CNOT6L: variants seen among roughly 807,000 people sequenced by gnomAD.
CNOT6L encodes CCR4-NOT transcription complex subunit 6-like.
In CNOT6L, 7 loss-of-function variants were observed where a neutral mutation model predicts 64.0. That is an observed-to-expected ratio of 0.11 (90% CI 0.06 to 0.21). The LOEUF (loss-of-function observed/expected upper bound fraction) is 0.21. Among genes scored for constraint, CNOT6L ranks in the 10% least tolerant of loss-of-function variants. CNOT6L has a pLI of 1.00. For synonymous variants in CNOT6L, 193 were observed against 243.4 expected (o/e 0.79, Z 1.93); for missense variants, 245 against 669.0 (o/e 0.37, Z 6.99).
At chr4:77,767,002 G>GCT (rs1421367168) in intron 4 of CNOT6L, among the ~76,000 whole-genome samples, 2 of 140,362 alleles carry the variant, frequency 1.4e-5, no homozygotes, top group Non-Finnish European at 3.0e-5. Context: ...GGCAGTGGTT[G>GCT]CAGTGAGCCA....
chr4:77,729,741 C>T (rs1447630706), intron 9 of CNOT6L, among the ~76,000 whole-genome samples: 2 of 151,692 alleles, frequency 1.3e-5, no homozygotes, highest in Non-Finnish European at 2.9e-5. Context: ...ACTAGAATAT[C>T]TCTAAGGTTT....
At chr4:77,724,622 A>G (rs1453215062) in intron 11 of CNOT6L, among the ~76,000 whole-genome samples, 1 of 151,026 alleles carries the variant, frequency 6.6e-6, no homozygotes, top group Non-Finnish European at 1.5e-5. Flanking sequence ...CCTGGGTGAC[A>G]AACTGAGACC....
rs1203786504 is a variant in CNOT6L, at chr4:77,717,619, T to A, written c.*2812A>T. The A allele has an allele frequency of 6.6e-6, 1 of 152,458 alleles. No individual in the cohort carries two copies. The highest frequency in any genetic ancestry group is 1.9e-4 in the East Asian group (1 of 5,180). The allele number at this position is 152,458 out of a possible 1,614,324, so 9.4% of individuals were successfully genotyped here. A position where few individuals can be genotyped will look rare whatever the true frequency, so the allele number is the denominator to read the frequency against. ...TATATATATATATATGTCATTCACCTCTTCCTTTTGGCTTCTCACTGCCAA... is the reference window on the plus strand; with the variant it reads ...TATATATATATATATGTCATTCACCACTTCCTTTTGGCTTCTCACTGCCAA... On this transcript the variant is annotated 3_prime_UTR_variant, in exon 12 of 12. Coordinates refer to ENST00000504123, the MANE Select transcript of CNOT6L (RefSeq NM_144571.3).
At chr4:77,752,008 C>T (rs1033117141) in intron 5 of CNOT6L, among the ~76,000 whole-genome samples, 1 of 151,966 alleles carries the variant, frequency 6.6e-6, no homozygotes, top group Non-Finnish European at 1.5e-5. Context: ...CCCATCTCTA[C>T]AAAAATATTA....
intron 1 of CNOT6L, among the ~76,000 whole-genome samples, chr4:77,802,053 T>C (rs551856223): frequency 6.6e-6 from 1 of 152,374 alleles, no homozygotes; most frequent in South Asian, 2.1e-4. Flanking sequence ...ATAATTTTAA[T>C]TTAGTGAAGA....
intron 1 of CNOT6L, among the ~76,000 whole-genome samples, chr4:77,794,734 T>C (rs1730605251): frequency 6.6e-6 from 1 of 152,176 alleles, no homozygotes; most frequent in Admixed American, 6.5e-5. Flanking sequence ...TAGCTCTCAC[T>C]TCTATTGAAG....
At chr4:77,817,124 T>C in intron 1 of CNOT6L, among the ~76,000 whole-genome samples, 1 of 152,114 alleles carries the variant, frequency 6.6e-6, no homozygotes, top group Non-Finnish European at 1.5e-5. Context: ...TATTGAAACA[T>C]ACATGTGCTA....
Position 77,742,127 on chromosome 4 carries a change from T to C in CNOT6L, c.872+14A>G, listed in dbSNP as rs754214665. 9 of 1,608,734 alleles carry C rather than the reference T, an allele frequency of 5.6e-6. No individual in the cohort carries two copies. In the East Asian group the frequency reaches 1.1e-4, roughly 20 times the overall value. ...AATAAAAGTACACCATTGTGCTTTGTTTCCTTAACTTACTTTTCTGTTTTG... is the reference window on the plus strand; with the variant it reads ...AATAAAAGTACACCATTGTGCTTTGCTTCCTTAACTTACTTTTCTGTTTTG... On this transcript the variant is annotated intron_variant, in intron 8 of 11. Coordinates refer to ENST00000504123, the MANE Select transcript of CNOT6L (RefSeq NM_144571.3).
At chr4:77,729,192 A>G in intron 9 of CNOT6L, 111 bp from the exon 10 acceptor site, 1 of 744,180 alleles carries the variant, frequency 1.3e-6, no homozygotes, top group Non-Finnish European at 2.3e-6. Context: ...ACTCTTTTCC[A>G]TGAATTTATA....
intron 8 of CNOT6L, among the ~76,000 whole-genome samples, chr4:77,732,912 A>G (rs1051406605): frequency 1.3e-5 from 2 of 152,056 alleles, no homozygotes; most frequent in African/African-American, 4.8e-5. Flanking sequence ...TAGCTGCTCA[A>G]TTAAAGAACT....
In CNOT6L at chr4:77,798,789, G is replaced by C. The variant is rs72866633; in HGVS notation, c.5+20515C>G. On this transcript the variant is annotated intron_variant, in intron 1 of 11. Transcript: ENST00000504123. ...TGCTTGAGCCAGGAGTTCAACATGAGCCTGGGCAACATAGTTAGACCCCAT... is the reference window on the plus strand; with the variant it reads ...TGCTTGAGCCAGGAGTTCAACATGACCCTGGGCAACATAGTTAGACCCCAT... 4.1e-3 allele frequency among the ~76,000 whole-genome samples: 609 copies of C among 148,784 alleles called. 7 individuals carry two copies. The highest frequency in any genetic ancestry group is 0.014 in the African/African-American group (579 of 40,460).
intron 4 of CNOT6L, among the ~76,000 whole-genome samples, chr4:77,758,500 C>A (rs1322719954): frequency 2.0e-5 from 3 of 152,112 alleles, no homozygotes; most frequent in Admixed American, 6.5e-5. Flanking sequence ...AAGTTCTGAT[C>A]CAACATGTAA....
intron 1 of CNOT6L, among the ~76,000 whole-genome samples, chr4:77,801,653 C>A (rs1731572944): frequency 1.7e-5 from 2 of 120,174 alleles, no homozygotes; most frequent in Non-Finnish European, 1.6e-5. Context: ...AATTTTAAAA[C>A]CTTTATTTTG....
chr4:77,779,030 G>C (rs1386671770), intron 1 of CNOT6L, among the ~76,000 whole-genome samples: 3 of 117,436 alleles, frequency 2.6e-5, no homozygotes, highest in Non-Finnish European at 4.9e-5. Flanking sequence ...CTAGGTGACA[G>C]AGCGAGACTC....
chr4:77,739,222 C>T (rs1166582237), intron 8 of CNOT6L, among the ~76,000 whole-genome samples: 1 of 152,024 alleles, frequency 6.6e-6, no homozygotes, highest in Non-Finnish European at 1.5e-5. Flanking sequence ...TATTCTGTAC[C>T]AGTTTTTCAT....
chr4:77,753,123 GA>G (rs1725028089), intron 5 of CNOT6L, among the ~76,000 whole-genome samples: 1 of 126,612 alleles, frequency 7.9e-6, no homozygotes, highest in Non-Finnish European at 1.7e-5. Context: ...CATAGAAAGA[GA>G]AATGGAAATC....
intron 1 of CNOT6L, among the ~76,000 whole-genome samples, chr4:77,797,080 C>T (rs1437594920): frequency 2.7e-5 from 3 of 110,250 alleles, no homozygotes; most frequent in Non-Finnish European, 1.7e-5. Flanking sequence ...GCACTCCAGC[C>T]TGACAGAGGA....
At chr4:77,740,098 G>T (rs1166315891) in intron 8 of CNOT6L, among the ~76,000 whole-genome samples, 1 of 152,044 alleles carries the variant, frequency 6.6e-6, no homozygotes, top group African/African-American at 2.4e-5. Context: ...CGTCAGGCAC[G>T]GTGGCTTACG....
Position 77,784,177 on chromosome 4 carries a change from C to T in CNOT6L, c.6-7785G>A, listed in dbSNP as rs1729191713. On this transcript the variant is annotated intron_variant, in intron 1 of 11. Coordinates refer to ENST00000504123, the MANE Select transcript of CNOT6L (RefSeq NM_144571.3). Reference sequence around the variant, plus strand: ...AAATAAAGGAGAAAGAAATCGAATACAATTCCTTTTCTGCATATTTAAAAC... The same window carrying T: ...AAATAAAGGAGAAAGAAATCGAATATAATTCCTTTTCTGCATATTTAAAAC... Among the ~76,000 whole-genome samples, 5 of 152,076 alleles carry T rather than the reference C, an allele frequency of 3.3e-5. No homozygotes were observed. The South Asian group carries it at 1.0e-3, about 31-fold the overall frequency.
Sources: allele counts gnomAD v4.1 joint callset (sites outside exome capture counted in the v4.1 genomes callset), GRCh38; gene constraint gnomAD v4.1.1; transcripts MANE v1.5; gene names NCBI Gene and HGNC (gene_info 2026-07-23, HGNC 2026-07-21).